ADGRL3: variants seen among roughly 807,000 people sequenced by gnomAD.
ADGRL3 encodes the protein adhesion G protein-coupled receptor L3.
Under a neutral mutation model 153.5 loss-of-function variants are expected in ADGRL3, and 62 were observed. The ratio of observed to expected loss-of-function variants is 0.40; its 90% CI spans 0.33 to 0.50. The LOEUF is 0.50. Among genes scored for constraint, ADGRL3 ranks in the 20% least tolerant of loss-of-function variants. The pLI, the probability that ADGRL3 is intolerant of heterozygous loss-of-function variation, is 0.47. For synonymous variants in ADGRL3, 710 were observed against 672.5 expected (o/e 1.06, Z -0.86); for missense variants, 1,641 against 1,859.4 (o/e 0.88, Z 2.16).
intron 21 of ADGRL3, among the ~76,000 whole-genome samples, chr4:62,027,765 T>C (rs1719609057): frequency 1.3e-5 from 2 of 151,968 alleles, no homozygotes; most frequent in South Asian, 4.1e-4. Flanking sequence ...GTTCTGAGCA[T>C]TTTATTCATA....
At chr4:61,410,807 A>G (rs1337418380) in intron 2 of ADGRL3, among the ~76,000 whole-genome samples, 4 of 152,104 alleles carry the variant, frequency 2.6e-5, no homozygotes, top group Non-Finnish European at 5.9e-5. Flanking sequence ...AGCTCCCCCA[A>G]ACTCAGACAT....
intron 9 of ADGRL3, among the ~76,000 whole-genome samples, chr4:61,875,965 C>A (rs940252706): frequency 1.3e-5 from 2 of 151,846 alleles, no homozygotes; most frequent in Admixed American, 6.6e-5. Context: ...GTGGGAGGAT[C>A]TTTTGAGTAC....
chr4:61,290,833 A>G (rs1466593576), intron 1 of ADGRL3, among the ~76,000 whole-genome samples: 3 of 152,086 alleles, frequency 2.0e-5, no homozygotes, highest in Non-Finnish European at 4.4e-5. Flanking sequence ...CTACTGATTA[A>G]TTTCATGTTT....
intron 8 of ADGRL3, among the ~76,000 whole-genome samples, chr4:61,756,378 G>A (rs1291746832): frequency 6.6e-6 from 1 of 152,110 alleles, no homozygotes; most frequent in African/African-American, 2.4e-5. Flanking sequence ...TCTCTTTGAA[G>A]CAATTGTGAA....
intron 8 of ADGRL3, among the ~76,000 whole-genome samples, chr4:61,804,769 A>T (rs942109110): frequency 2.0e-5 from 3 of 152,046 alleles, no homozygotes; most frequent in South Asian, 2.1e-4. Flanking sequence ...TTACTTTGAG[A>T]TCTATATTGT....
At chr4:61,896,386 G>A (rs1017324038) in intron 11 of ADGRL3, among the ~76,000 whole-genome samples, 2 of 152,106 alleles carry the variant, frequency 1.3e-5, no homozygotes, top group Admixed American at 6.5e-5. Flanking sequence ...GAGACCAGAT[G>A]TGCATTTATG....
chr4:61,657,646 T>A (rs7656051), intron 5 of ADGRL3, among the ~76,000 whole-genome samples: 55,745 of 152,012 alleles, frequency 0.37, 11,734 homozygotes, highest in Non-Finnish European at 0.49. Flanking sequence ...TCTAAAATTT[T>A]ATTTCTGAGA....
At chr4:61,689,750 G>T (rs2095505983) in intron 6 of ADGRL3, among the ~76,000 whole-genome samples, 1 of 152,040 alleles carries the variant, frequency 6.6e-6, no homozygotes, top group African/African-American at 2.4e-5. Context: ...TTGATTGTTT[G>T]GCCTTTGGTT....
At chr4:61,537,051 A>G (rs2098660941) in intron 4 of ADGRL3, among the ~76,000 whole-genome samples, 1 of 151,868 alleles carries the variant, frequency 6.6e-6, no homozygotes, top group South Asian at 2.1e-4. Context: ...AACTCCTTTG[A>G]GTATTTTTTT....
chr4:61,231,153 TAGTAGACCC>T (rs1267473310), intron 1 of ADGRL3, among the ~76,000 whole-genome samples: 1 of 152,198 alleles, frequency 6.6e-6, no homozygotes, highest in Non-Finnish European at 1.5e-5. Context: ...TGTGCGGAGA[TAGTAGACCC>T]AGGCATGCAA....
chr4:61,750,214 A>T (rs1468547478), intron 8 of ADGRL3, among the ~76,000 whole-genome samples: 2 of 147,476 alleles, frequency 1.4e-5, no homozygotes, highest in African/African-American at 5.0e-5. Flanking sequence ...AAAAGGCAGT[A>T]TTCCCTACTA....
chr4:61,892,822 C>T lies in ADGRL3; in HGVS notation c.1647C>T (p.Thr549=). 6.2e-7 allele frequency: 1 copy of T among 1,613,770 alleles called. No individual in the cohort carries two copies. The change falls in exon 10 of 27, where the codon ACC becomes ACT. Residue 549 remains threonine (T), a synonymous_variant. Transcript: ENST00000683033. The part of the protein sequence containing the change: ...SPAVEVLDDM[T]THLPSASSQI... ...CTGTCGAGGTACTTGATGACATGAC[C>T]ACACACCTTCCATCAGCATCGTCCC...
chr4:61,226,445 G>T (rs572395833), intron 1 of ADGRL3, among the ~76,000 whole-genome samples: 1 of 152,228 alleles, frequency 6.6e-6, no homozygotes, highest in African/African-American at 2.4e-5. Context: ...TACAGTGTCA[G>T]AAATCTCTTG....
intron 2 of ADGRL3, among the ~76,000 whole-genome samples, chr4:61,417,095 G>A (rs765088621): frequency 3.9e-5 from 6 of 152,090 alleles, no homozygotes; most frequent in Non-Finnish European, 7.4e-5. Context: ...GATCCTAGGT[G>A]GTAATGTTTG....
intron 1 of ADGRL3, among the ~76,000 whole-genome samples, chr4:61,335,519 C>T (rs937787196): frequency 2.6e-5 from 4 of 152,132 alleles, no homozygotes; most frequent in African/African-American, 9.7e-5. Flanking sequence ...GTTTATCCAT[C>T]TATTAACATC....
chr4:61,308,218 A>G (rs2094871518), intron 1 of ADGRL3, among the ~76,000 whole-genome samples: 2 of 152,112 alleles, frequency 1.3e-5, no homozygotes, highest in Admixed American at 6.5e-5. Context: ...TGACTTACTG[A>G]AATCTAGTTT....
At chr4:61,839,794 A>C (rs1479613755) in intron 9 of ADGRL3, among the ~76,000 whole-genome samples, 2 of 151,676 alleles carry the variant, frequency 1.3e-5, no homozygotes, top group Non-Finnish European at 2.9e-5. Flanking sequence ...CGAAAAAAAA[A>C]ATTAAATTTG....
chr4:61,441,041 T>C (rs2152467402), intron 2 of ADGRL3, among the ~76,000 whole-genome samples: 1 of 152,260 alleles, frequency 6.6e-6, no homozygotes, highest in South Asian at 2.1e-4. Flanking sequence ...TTTCCTGTTA[T>C]TCCTATTTAT....
chr4:61,723,480 A>C (rs1203504537), intron 6 of ADGRL3, among the ~76,000 whole-genome samples: 1 of 152,144 alleles, frequency 6.6e-6, no homozygotes, highest in African/African-American at 2.4e-5. Flanking sequence ...TGCCCCTTCC[A>C]CAGAAAGCAG....
Sources: gnomAD v4.1 joint callset for allele counts (sites outside exome capture counted in the v4.1 genomes callset) on GRCh38, gnomAD v4.1.1 for gene constraint, MANE v1.5 for transcripts, NCBI Gene and HGNC (gene_info 2026-07-23, HGNC 2026-07-21) for gene names.